Variants in CDK18 observed in about 807,000 individuals in gnomAD.
CDK18 encodes the protein cyclin-dependent kinase 18.
A neutral mutation model predicts 62.0 loss-of-function variants in CDK18; 52 were observed. The ratio of observed to expected loss-of-function variants is 0.84; its 90% confidence interval spans 0.67 to 1.06. The LOEUF is 1.06. Ranked by LOEUF, CDK18 falls within the 50% of genes least tolerant of loss-of-function variation. The pLI, the probability that CDK18 is intolerant of heterozygous loss-of-function variation, is 0.00. For synonymous variants in CDK18, 237 were observed against 247.0 expected, an observed-to-expected ratio of 0.96 and a Z score of 0.38; for missense variants, 604 against 619.9, an observed-to-expected ratio of 0.97 and a Z score of 0.27.
intron 13 of CDK18, chr1:205,530,012 G>A: frequency 7.1e-7 from 1 of 1,407,792 alleles, no homozygotes; most frequent in Non-Finnish European, 9.2e-7. Context: ...TCTATCCCAA[G>A]AGAAGGTCAC....
chr1:205,507,034 G>A (rs1166215311), intron 1 of CDK18, among the ~76,000 whole-genome samples: 4 of 152,230 alleles, frequency 2.6e-5, no homozygotes, highest in Non-Finnish European at 5.9e-5. Context: ...ACTCGGGAAT[G>A]CGTCCTACAC....
chr1:205,521,223 GT>G (rs1034775242), intron 1 of CDK18, among the ~76,000 whole-genome samples: 4 of 152,156 alleles, frequency 2.6e-5, no homozygotes, highest in African/African-American at 2.4e-5. Flanking sequence ...TGGTTTGTTT[GT>G]TTTTTAAGAC....
intron 1 of CDK18, among the ~76,000 whole-genome samples, chr1:205,519,805 C>G (rs1378366195): frequency 2.0e-5 from 3 of 151,302 alleles, no homozygotes; most frequent in African/African-American, 4.9e-5. Flanking sequence ...GGCCTCCTTC[C>G]CGGAGGCTTT....
At chr1:205,507,917 A>G (rs146588960) in intron 1 of CDK18, among the ~76,000 whole-genome samples, 508 of 152,292 alleles carry the variant, frequency 3.3e-3, no homozygotes, top group African/African-American at 9.8e-3. Context: ...GAAATCTTCC[A>G]GGAGGGGCCA....
chr1:205,531,701 C>A lies in CDK18; in HGVS notation c.*323C>A. ...TTTGGGCACCTGCGTGGGATGCACA[C>A]GGATGACAGAATCAAGGCGCCAGGA... is the stretch of plus-strand genomic sequence containing the variant. On this transcript the variant is annotated 3_prime_UTR_variant, in exon 16 of 16. Transcript: ENST00000429964. The A allele has an allele frequency of 2.8e-6, 1 of 362,162 alleles. No individual in the cohort carries two copies. Among genetic ancestry groups the A allele is most frequent in the East Asian group, 6.4e-5 (1 of 15,554 alleles). 22.4% of individuals were successfully genotyped at this position (362,162 alleles called of 1,614,324 possible).
At chr1:205,521,791 G>T (rs1369644438) in intron 1 of CDK18, among the ~76,000 whole-genome samples, 1 of 152,250 alleles carries the variant, frequency 6.6e-6, no homozygotes, top group Admixed American at 6.5e-5. Flanking sequence ...AAGCCAACAT[G>T]TTACTGACCC....
In CDK18 at chr1:205,525,213, G is replaced by T; in HGVS notation, c.456+18G>T. The T allele has an allele frequency of 6.3e-7, 1 of 1,599,418 alleles. No homozygotes were observed. The highest frequency in any genetic ancestry group is 8.6e-7 in the Non-Finnish European group (1 of 1,168,742). ...TGGGAGAGGTAAGACGCTGGGTTTG[G>T]TCTTCTCCGAATAGCCAGGCAGGAT... On this transcript the variant is annotated intron_variant, in intron 5 of 15. Coordinates refer to ENST00000429964, the MANE Select transcript of CDK18 (RefSeq NM_212502.3).
chr1:205,520,314 C>T (rs1015572668), intron 1 of CDK18, among the ~76,000 whole-genome samples: 1 of 152,226 alleles, frequency 6.6e-6, no homozygotes. Context: ...AGGCACCATT[C>T]TCAGAACCTC....
intron 1 of CDK18, among the ~76,000 whole-genome samples, chr1:205,519,895 C>T (rs940583985): frequency 6.6e-6 from 1 of 152,128 alleles, no homozygotes; most frequent in African/African-American, 2.4e-5. Flanking sequence ...ATTCCTGAGC[C>T]GCAAATCCAA....
At chr1:205,530,141 TCTC>T (rs796528067) in intron 13 of CDK18, 115 bp from the exon 14 acceptor site, 1 of 1,523,476 alleles carries the variant, frequency 6.6e-7, no homozygotes, top group Non-Finnish European at 8.8e-7. Flanking sequence ...ACCTGGGGCT[TCTC>T]CTGTTAGCCT....
chr1:205,524,453 A>C (rs1460198581), intron 4 of CDK18, 96 bp downstream of exon 4: 4 of 1,460,714 alleles, frequency 2.7e-6, no homozygotes, highest in Non-Finnish European at 3.8e-6. Context: ...TGGGATTTCG[A>C]GGAAGATTCC....
Position 205,529,576 on chromosome 1 carries a change from C to T in CDK18, c.1221+13C>T. 1.2e-6 allele frequency: 2 copies of T among 1,613,604 alleles called. No homozygotes were observed. The highest frequency in any genetic ancestry group is 2.7e-5 in the African/African-American group (2 of 75,064). On this transcript the variant is annotated intron_variant, in intron 13 of 15. Coordinates refer to ENST00000429964, the MANE Select transcript of CDK18 (RefSeq NM_212502.3). Reference sequence around the variant, plus strand: ...CAGCCTGCTCCTGGTGAGTGTCCTCCCGGCGGGGCCCAGGGAGAGGCAGCC... The same window carrying T: ...CAGCCTGCTCCTGGTGAGTGTCCTCTCGGCGGGGCCCAGGGAGAGGCAGCC...
At chr1:205,523,093 C>A in intron 1 of CDK18, 54 bp from the exon 2 acceptor site, 1 of 1,541,050 alleles carries the variant, frequency 6.5e-7, no homozygotes, top group Non-Finnish European at 8.8e-7. Flanking sequence ...GGGTGGAGAC[C>A]TGGACTGGTT....
rs532482484 is a variant in CDK18 at position 205,517,314 on chromosome 1, C to T, written c.-21-5833C>T. 6.6e-6 allele frequency among the ~76,000 whole-genome samples: 1 copy of T among 152,342 alleles called. No homozygotes were observed. Among genetic ancestry groups the T allele is most frequent in the Admixed American group, 6.5e-5 (1 of 15,304 alleles). Reference sequence around the variant, plus strand: ...AAGAGATGATCCTGCTCCCTGTCTCCTGGCCCTCTTCCATCCTGGGATCCA... The same window carrying T: ...AAGAGATGATCCTGCTCCCTGTCTCTTGGCCCTCTTCCATCCTGGGATCCA... On this transcript the variant is annotated intron_variant, in intron 1 of 15. Coordinates refer to ENST00000429964, the MANE Select transcript of CDK18 (RefSeq NM_212502.3). The surrounding 1 kb of genome is among the most constrained non-coding windows in gnomAD (Gnocchi z 4.1).
intron 2 of CDK18, 23 bp downstream of exon 2, chr1:205,523,320 G>A (rs750824496): frequency 6.2e-7 from 1 of 1,613,764 alleles, no homozygotes; most frequent in Admixed American, 1.7e-5. Flanking sequence ...GGCCCACCCA[G>A]CACCTCTCCC....
At chr1:205,519,586 G>T (rs545934345) in intron 1 of CDK18, among the ~76,000 whole-genome samples, 1 of 152,252 alleles carries the variant, frequency 6.6e-6, no homozygotes, top group South Asian at 2.1e-4. Context: ...TGTCCTGCGG[G>T]TGGAGAACAG....
In CDK18 at chr1:205,531,358, A is replaced by G; in HGVS notation, c.1405A>G (p.Arg469Gly). ...CCATTCTCCAGGACGAGGGAAGAAC[A>G]GGCGGCAGAGCATCTTCTGAGCCAC... ...AFQQPGRGKN[R>G]RQSIF is the part of the protein sequence containing the mutation. The change falls in exon 16 of 16, where the codon AGG (arginine) becomes GGG (glycine). Residue 469 changes from arginine (R) to glycine (G), a missense_variant. By Grantham distance (125) the Arg-to-Gly change is moderately radical. Transcript: ENST00000429964. 6.2e-7 allele frequency: 1 copy of G among 1,614,120 alleles called. No homozygotes were observed. Among genetic ancestry groups the G allele is most frequent in the Non-Finnish European group, 8.5e-7 (1 of 1,179,968 alleles).
chr1:205,529,381 A>T lies in CDK18; in HGVS notation c.1130A>T (p.Tyr377Phe). 6.2e-7 allele frequency: 1 copy of T among 1,613,972 alleles called. No homozygotes were observed. The highest frequency in any genetic ancestry group is 8.5e-7 in the Non-Finnish European group (1 of 1,179,932). Reference sequence around the variant, plus strand: ...ACCGCCTTCTCTGAGTTCCGCACCTACAGCTTCCCCTGCTACCTCCCGCAG... The same window carrying T: ...ACCGCCTTCTCTGAGTTCCGCACCTTCAGCTTCCCCTGCTACCTCCCGCAG... ...GVTAFSEFRT[Y>F]SFPCYLPQPL... Residue 377 changes from tyrosine to phenylalanine, a missense_variant, in exon 12 of 16, where the codon TAC becomes TTC. Transcript: ENST00000429964.
Position 205,527,979 on chromosome 1 carries a change from T to TG in CDK18, c.854-64dup. 6.2e-7 allele frequency: 1 copy of TG among 1,612,730 alleles called. No individual in the cohort carries two copies. Among genetic ancestry groups the TG allele is most frequent in the African/African-American group, 1.3e-5 (1 of 74,922 alleles). The stretch of plus-strand genomic sequence containing the variant: ...GGGGTGCCTCAGGGTGTGGGTGCAG[T>TG]GGGGGAGGGCATAGCAGTCAACCCC... On this transcript the variant is annotated intron_variant, in intron 9 of 15. Transcript: ENST00000429964. The surrounding 1 kb of genome is among the most constrained non-coding windows in gnomAD (Gnocchi z 4.1).
Sources: allele counts gnomAD v4.1 joint callset (sites outside exome capture counted in the v4.1 genomes callset), GRCh38; gene constraint gnomAD v4.1.1; non-coding constraint Gnocchi (gnomAD v3.1); transcripts MANE v1.5; gene names NCBI Gene and HGNC (gene_info 2026-07-23, HGNC 2026-07-21).